DIP2C: variants seen among roughly 807,000 people sequenced by gnomAD.
The protein encoded by DIP2C is DIP2 acetate--CoA ligase C (putative).
DIP2C carries 33 observed loss-of-function variants against 192.4 expected under a neutral mutation model. The ratio of observed to expected loss-of-function variants is 0.17; its 90% CI spans 0.13 to 0.23. The LOEUF (loss-of-function observed/expected upper bound fraction) is 0.23, where lower values mean the gene tolerates loss of function less well. Ranked by LOEUF, DIP2C falls within the 10% of genes least tolerant of loss-of-function variation. The pLI is 1.00. For synonymous variants in DIP2C, 979 were observed against 864.1 expected (o/e 1.13, Z -2.33); for missense variants, 1,537 against 2,110.1 (o/e 0.73, Z 5.32).
chr10:391,146 C>T lies in DIP2C; in HGVS notation c.1261-283G>A, dbSNP rs180870229. ...GTGCTCAGTGCAGGCTGGCGTTCAG[C>T]GGGTCGCGTTAAGAGCCTGCTGTTA... On this transcript the variant is annotated intron_variant, in intron 10 of 36. Transcript: ENST00000280886. Among the ~76,000 whole-genome samples the T allele has an allele frequency of 2.0e-3, 297 of 152,306 alleles. 3 individuals carry two copies. The highest frequency in any genetic ancestry group is 2.3e-3 in the East Asian group (12 of 5,184).
At chr10:497,998 G>C (rs920977430) in intron 1 of DIP2C, among the ~76,000 whole-genome samples, 1 of 151,950 alleles carries the variant, frequency 6.6e-6, no homozygotes, top group African/African-American at 2.4e-5. Flanking sequence ...CAGCCTTCTG[G>C]GTAGCTGGGA....
chr10:383,882 G>T, intron 16 of DIP2C, 145 bp downstream of exon 16: 1 of 1,173,370 alleles, frequency 8.5e-7, no homozygotes, highest in Non-Finnish European at 1.1e-6. Context: ...CTAAGATAAG[G>T]ATTAGAAAAA....
chr10:302,807 A>G (rs549921409), intron 32 of DIP2C, among the ~76,000 whole-genome samples: 6 of 152,360 alleles, frequency 3.9e-5, no homozygotes, highest in Admixed American at 3.3e-4. Flanking sequence ...GTGCACCCAT[A>G]TAGGGAACTT....
At chr10:494,455 T>C (rs1844670100) in intron 1 of DIP2C, among the ~76,000 whole-genome samples, 1 of 152,214 alleles carries the variant, frequency 6.6e-6, no homozygotes, top group Non-Finnish European at 1.5e-5. Flanking sequence ...AGTCTGACTT[T>C]AAGTCTCTGC....
In DIP2C at chr10:417,710, A is replaced by G. The variant is rs1268399701; in HGVS notation, c.739+1355T>C. ...CCTGTCCGCCTGTGCCTGTCGGCTC[A>G]AATAGGCCTCCCTGTCTGCCTGCGC... On this transcript the variant is annotated intron_variant, in intron 6 of 36. Transcript: ENST00000280886. Among the ~76,000 whole-genome samples the G allele has an allele frequency of 6.5e-3, 515 of 78,964 alleles. 104 individuals carry two copies. Among genetic ancestry groups the G allele is most frequent in the Admixed American group, 7.8e-3 (60 of 7,736 alleles). The allele number at this position is 78,964 out of a possible 152,430, so 51.8% of individuals were successfully genotyped here.
In DIP2C at chr10:369,398, G is replaced by A. The variant is rs572070406; in HGVS notation, c.2131+96C>T. ...GGCTCTCAGCCTGAGGGCACACCACGGGAACGCGGGAACGTGGGAACGCAG... is the reference window on the plus strand; with the variant it reads ...GGCTCTCAGCCTGAGGGCACACCACAGGAACGCGGGAACGTGGGAACGCAG... On this transcript the variant is annotated intron_variant, in intron 18 of 36. Transcript: ENST00000280886. 56 of 1,434,152 alleles carry A rather than the reference G, an allele frequency of 3.9e-5. 3 individuals are homozygous for A. In the South Asian group the frequency reaches 6.0e-4, roughly 15 times the overall value. 88.8% of individuals were successfully genotyped at this position (1,434,152 alleles called of 1,614,324 possible). A position where few individuals can be genotyped will look rare whatever the true frequency, so the allele number is the denominator to read the frequency against.
intron 22 of DIP2C, among the ~76,000 whole-genome samples, chr10:358,978 T>C (rs1431783156): frequency 6.6e-6 from 1 of 152,028 alleles, no homozygotes; most frequent in East Asian, 1.9e-4. Flanking sequence ...ATTCTTAAAT[T>C]CCCGATAAAG....
chr10:621,972 T>C (rs1185379400), intron 1 of DIP2C, among the ~76,000 whole-genome samples: 1 of 151,658 alleles, frequency 6.6e-6, no homozygotes, highest in Non-Finnish European at 1.5e-5. Flanking sequence ...CTGTTTTTTC[T>C]TTTTTTTAAT....
intron 1 of DIP2C, among the ~76,000 whole-genome samples, chr10:579,993 C>T (rs1421324389): frequency 1.3e-5 from 2 of 151,942 alleles, no homozygotes; most frequent in South Asian, 2.1e-4. Flanking sequence ...TACAGGTACA[C>T]TATAACATGT....
At chr10:569,239 T>C (rs934525433) in intron 1 of DIP2C, among the ~76,000 whole-genome samples, 1 of 152,220 alleles carries the variant, frequency 6.6e-6, no homozygotes, top group Admixed American at 6.5e-5. Context: ...CAGAAGCTTC[T>C]AGCTTTGCTG....
chr10:374,990 T>TGAGGGAC, intron 17 of DIP2C, among the ~76,000 whole-genome samples: 1 of 152,206 alleles, frequency 6.6e-6, no homozygotes, highest in Non-Finnish European at 1.5e-5. Flanking sequence ...GGAGGGACCA[T>TGAGGGAC]CTCAGTGATC....
At chr10:319,972 T>C (rs1388749167) in intron 31 of DIP2C, among the ~76,000 whole-genome samples, 1 of 152,232 alleles carries the variant, frequency 6.6e-6, no homozygotes, top group Non-Finnish European at 1.5e-5. Context: ...AGAATGTATT[T>C]TTCCAGCGTG....
intron 3 of DIP2C, among the ~76,000 whole-genome samples, chr10:470,163 G>A (rs117233923): frequency 4.3e-4 from 66 of 152,274 alleles, no homozygotes; most frequent in Non-Finnish European, 8.5e-4. Flanking sequence ...TGATTGACAG[G>A]TAGGTAAATA....
chr10:491,223 G>A (rs372302406), intron 1 of DIP2C, among the ~76,000 whole-genome samples: 3 of 152,234 alleles, frequency 2.0e-5, no homozygotes, highest in African/African-American at 7.2e-5. Context: ...ACGGGCCACA[G>A]AGCTGCTTCC....
chr10:609,061 A>C (rs994006429), intron 1 of DIP2C, among the ~76,000 whole-genome samples: 1 of 152,136 alleles, frequency 6.6e-6, no homozygotes, highest in Non-Finnish European at 1.5e-5. Flanking sequence ...TATAAACAAA[A>C]GGAGTATCAC....
rs150031627 is a variant in DIP2C at position 381,341 on chromosome 10, G to A, written c.1991+1306C>T. 1.2e-3 allele frequency among the ~76,000 whole-genome samples: 187 copies of A among 152,290 alleles called. No homozygotes were observed. In the East Asian group the frequency reaches 0.014, roughly 11 times the overall value. On this transcript the variant is annotated intron_variant, in intron 17 of 36. Coordinates refer to ENST00000280886, the MANE Select transcript of DIP2C (RefSeq NM_014974.3). ...GGGAGAACCGGCATGGGGACACTGC[G>A]GGCTGCTTCTAGTTTTCAGGACACT...
intron 17 of DIP2C, chr10:370,176 T>C (rs1589632391): frequency 3.9e-6 from 2 of 516,026 alleles, no homozygotes; most frequent in African/African-American, 2.1e-5. Flanking sequence ...CGCTGTGCCA[T>C]TGTGGCTGCC....
At chr10:296,659 C>CAA (rs1955767307) in intron 32 of DIP2C, among the ~76,000 whole-genome samples, 1 of 151,978 alleles carries the variant, frequency 6.6e-6, no homozygotes, top group Non-Finnish European at 1.5e-5. Flanking sequence ...CAATGATAGA[C>CAA]TGGATTAAGA....
At chr10:381,011 T>A (rs77655337) in intron 17 of DIP2C, among the ~76,000 whole-genome samples, 2,184 of 152,344 alleles carry the variant, frequency 0.014, 24 homozygotes, top group Non-Finnish European at 0.021. Context: ...CAGAGAGGGA[T>A]GTGTTGGTGG....
Sources: allele counts gnomAD v4.1 joint callset (sites outside exome capture counted in the v4.1 genomes callset), GRCh38; gene constraint gnomAD v4.1.1; transcripts MANE v1.5; gene names NCBI Gene and HGNC (gene_info 2026-07-23, HGNC 2026-07-21).